MON2: variants seen among roughly 807,000 people sequenced by gnomAD.
MON2 encodes the protein MON2 regulator of endosome-to-Golgi trafficking, also known as protein MON2 homolog.
In MON2, 84 loss-of-function variants were observed where a neutral mutation model predicts 208.6. The observed-to-expected ratio is 0.40, with a 90% CI of 0.34 to 0.48. MON2 has a LOEUF of 0.48. MON2 is among the 20% of genes least tolerant of loss of function. The pLI, the probability that MON2 is intolerant of heterozygous loss-of-function variation, is 0.59. For synonymous variants in MON2, 660 were observed against 694.0 expected, an observed-to-expected ratio of 0.95 and a Z score of 0.77; for missense variants, 1,611 against 2,015.4, an observed-to-expected ratio of 0.80 and a Z score of 3.84.
At chr12:62,501,987 C>T (rs1394378276) in intron 7 of MON2, among the ~76,000 whole-genome samples, 6 of 151,874 alleles carry the variant, frequency 4.0e-5, no homozygotes, top group East Asian at 1.9e-4. Context: ...TTTGGAAGGC[C>T]GAGGTGGGTA....
intron 2 of MON2, among the ~76,000 whole-genome samples, chr12:62,490,676 A>G (rs2070076482): frequency 6.6e-6 from 1 of 152,148 alleles, no homozygotes. Context: ...AGTATACTTC[A>G]GAAGACTTAG....
rs1001358453 is a variant in MON2, at chr12:62,594,748, C to T, written c.*1999C>T. On this transcript the variant is annotated 3_prime_UTR_variant, in exon 35 of 35. Transcript: ENST00000393630. ...TTATATGAACCAAAGCTTGCTTTATCAGGACCATGCCCTACAGTTCAAAAC... is the reference window on the plus strand; with the variant it reads ...TTATATGAACCAAAGCTTGCTTTATTAGGACCATGCCCTACAGTTCAAAAC... 1.3e-5 allele frequency: 2 copies of T among 152,204 alleles called. No homozygotes were observed. The highest frequency in any genetic ancestry group is 4.8e-5 in the African/African-American group (2 of 41,448). The allele number at this position is 152,204 out of a possible 1,614,324, so 9.4% of individuals were successfully genotyped here.
chr12:62,484,790 T>C (rs2069662804), intron 2 of MON2: 1 of 152,224 alleles, frequency 6.6e-6, no homozygotes, highest in African/African-American at 2.4e-5. Flanking sequence ...TGAACCTGAT[T>C]TTCAAGGAGG....
At chr12:62,501,472 A>C (rs2070828843) in intron 6 of MON2, 101 bp from the exon 7 acceptor site, 1 of 1,364,560 alleles carries the variant, frequency 7.3e-7, no homozygotes, top group Non-Finnish European at 1.0e-6. Context: ...AAAAACATGT[A>C]TTATATAAGA....
intron 13 of MON2, 71 bp from the exon 14 acceptor site, chr12:62,535,454 A>T: frequency 8.7e-7 from 1 of 1,155,110 alleles, no homozygotes; most frequent in Non-Finnish European, 1.2e-6. Context: ...CTGAATACTT[A>T]ATTCCACATC....
At chr12:62,505,142 A>G (rs2071035649) in intron 7 of MON2, among the ~76,000 whole-genome samples, 1 of 152,224 alleles carries the variant, frequency 6.6e-6, no homozygotes, top group South Asian at 2.1e-4. Context: ...AGTCTCAAAG[A>G]TGATTTCTAG....
At position 62,580,320 on chromosome 12, in the gene MON2, G is replaced by GAT; in HGVS notation, c.4601_4602dup (p.Leu1535TyrfsTer16). 1 of 1,611,084 alleles carries GAT rather than the reference G, an allele frequency of 6.2e-7. No homozygotes were observed. The highest frequency in any genetic ancestry group is 8.5e-7 in the Non-Finnish European group (1 of 1,177,952). ...AGGTAGTTCAACTTATCAGCAATGA[G>GAT]ATACTACCTTATGCCAATTTTATTC... is the stretch of plus-strand genomic sequence containing the variant. On this transcript the variant is annotated frameshift_variant, in exon 32 of 35. Transcript: ENST00000393630. LOFTEE classifies it high-confidence loss of function.
chr12:62,520,119 T>C (rs1467780276), intron 8 of MON2, among the ~76,000 whole-genome samples: 2 of 152,262 alleles, frequency 1.3e-5, no homozygotes, highest in Admixed American at 6.5e-5. Flanking sequence ...CTGCCGACAC[T>C]TTCTTACAGG....
intron 7 of MON2, among the ~76,000 whole-genome samples, chr12:62,507,491 G>T (rs1191933145): frequency 6.6e-6 from 1 of 151,452 alleles, no homozygotes; most frequent in African/African-American, 2.4e-5. Flanking sequence ...AATTTTTGTT[G>T]TTGTTGTTGT....
chr12:62,537,741 G>A (rs2073044552), intron 16 of MON2, 35 bp downstream of exon 16: 1 of 1,458,316 alleles, frequency 6.9e-7, no homozygotes, highest in Non-Finnish European at 9.5e-7. Context: ...GATTAGTGTT[G>A]TTTTTATATA....
chr12:62,555,702 A>G lies in MON2; in HGVS notation c.3211-292A>G, dbSNP rs1332905841. Among the ~76,000 whole-genome samples the G allele has an allele frequency of 3.3e-5, 5 of 151,666 alleles. No individual in the cohort carries two copies. The South Asian group carries it at 6.3e-4, about 19-fold the overall frequency. ...TGGACACCTGTAATCCCAGCTACTC[A>G]GGAGTCTGAGGCAGGAGAATCACTT... On this transcript the variant is annotated intron_variant, in intron 24 of 34. Coordinates refer to ENST00000393630, the MANE Select transcript of MON2 (RefSeq NM_015026.3).
chr12:62,578,321 A>G (rs2074865754), intron 30 of MON2, 124 bp from the exon 31 acceptor site: 4 of 641,888 alleles, frequency 6.2e-6, no homozygotes, highest in Non-Finnish European at 8.0e-6. Context: ...CTTTTAAATA[A>G]ATAATAATGC....
At chr12:62,495,460 G>C (rs2070416609) in intron 4 of MON2, among the ~76,000 whole-genome samples, 1 of 151,972 alleles carries the variant, frequency 6.6e-6, no homozygotes, top group Non-Finnish European at 1.5e-5. Context: ...AAAAAAACAT[G>C]TTGTAAGATC....
chr12:62,570,417 A>G (rs1383351537), intron 29 of MON2, among the ~76,000 whole-genome samples: 4 of 152,218 alleles, frequency 2.6e-5, no homozygotes, highest in African/African-American at 9.6e-5. Flanking sequence ...TACAACTTCA[A>G]AGTATTGACA....
chr12:62,571,244 T>G, intron 29 of MON2, 148 bp from the exon 30 acceptor site: 2 of 606,114 alleles, frequency 3.3e-6, no homozygotes, highest in Non-Finnish European at 5.3e-6. Context: ...TTGGCCTTTC[T>G]GCGAAATAAC....
rs745605646 is a variant in MON2 at position 62,544,919 on chromosome 12, C to T, written c.2488C>T (p.Arg830Ter). 1.9e-6 allele frequency: 3 copies of T among 1,607,790 alleles called. No homozygotes were observed. The highest frequency in any genetic ancestry group is 1.3e-5 in the African/African-American group (1 of 74,586). The change falls in exon 21 of 35, where the codon CGA becomes TGA. Residue 830 changes from arginine to a stop codon, truncating the protein, a stop_gained. Transcript: ENST00000393630. LOFTEE classifies it high-confidence loss of function. ...TCAGGTCTGCCAGCATCCAAACTCT[C>T]GAATGAGAGAATGGGGAGCAGAAGC... Reference protein sequence around the residue: ...LLEVCQHPNSRMREWGAEALT... With the variant: ...LLEVCQHPNS
At chr12:62,526,150 G>C in intron 11 of MON2, 48 bp downstream of exon 11, 2 of 1,548,682 alleles carry the variant, frequency 1.3e-6, no homozygotes, top group Non-Finnish European at 1.8e-6. Context: ...TGTTGGGGGT[G>C]ATATTTAACC....
At chr12:62,526,498 A>G (rs981837813) in intron 11 of MON2, among the ~76,000 whole-genome samples, 2 of 152,018 alleles carry the variant, frequency 1.3e-5, no homozygotes, top group African/African-American at 2.4e-5. Flanking sequence ...CAATGGGAGT[A>G]GTGATATATC....
At chr12:62,480,237 T>G (rs1042705730) in intron 1 of MON2, among the ~76,000 whole-genome samples, 10 of 152,194 alleles carry the variant, frequency 6.6e-5, no homozygotes, top group Non-Finnish European at 1.3e-4. Flanking sequence ...TGGTTACGTA[T>G]CTTTTAAAAT....
Sources: allele counts gnomAD v4.1 joint callset (sites outside exome capture counted in the v4.1 genomes callset), GRCh38; gene constraint gnomAD v4.1.1; transcripts MANE v1.5; gene names NCBI Gene and HGNC (gene_info 2026-07-23, HGNC 2026-07-21).